Variants in MOB3B observed in about 807,000 individuals in gnomAD.
MOB3B encodes MOB kinase activator 3B.
In MOB3B, 7 loss-of-function variants were observed where a neutral mutation model predicts 18.7. The ratio of observed to expected loss-of-function variants is 0.37; its 90% CI spans 0.21 to 0.70. The LOEUF (loss-of-function observed/expected upper bound fraction) is 0.70. Ranked by LOEUF, MOB3B falls within the 30% of genes least tolerant of loss-of-function variation. The pLI is 0.52. For missense variants in MOB3B, 253 were observed against 281.3 expected (o/e 0.90, Z 0.72); for synonymous variants, 111 against 99.9 (o/e 1.11, Z -0.66).
chr9:27,481,130 G>A (rs1819642168), intron 1 of MOB3B, among the ~76,000 whole-genome samples: 1 of 152,200 alleles, frequency 6.6e-6, no homozygotes, highest in East Asian at 1.9e-4. Context: ...ATGCCTTTCA[G>A]AGTGGTGCAG....
intron 2 of MOB3B, among the ~76,000 whole-genome samples, chr9:27,447,042 C>T (rs1031152967): frequency 6.6e-5 from 10 of 152,048 alleles, no homozygotes; most frequent in African/African-American, 1.4e-4. Context: ...AAGGTCCTGT[C>T]TGCAGAGACC....
intron 2 of MOB3B, among the ~76,000 whole-genome samples, chr9:27,450,740 C>T (rs566660845): frequency 5.8e-4 from 89 of 152,328 alleles, no homozygotes; most frequent in Non-Finnish European, 8.2e-4. Flanking sequence ...CAGACCCTGA[C>T]TCCTAAATAT....
chr9:27,349,973 T>C (rs560791315), intron 3 of MOB3B, among the ~76,000 whole-genome samples: 2 of 152,300 alleles, frequency 1.3e-5, no homozygotes, highest in South Asian at 2.1e-4. Context: ...AGCCTCTGGC[T>C]CAGTGGTGTC....
chr9:27,492,187 T>C (rs141118844), intron 1 of MOB3B, among the ~76,000 whole-genome samples: 1,734 of 152,294 alleles, frequency 0.011, 37 homozygotes, highest in African/African-American at 0.039. Flanking sequence ...AGCCAATTTG[T>C]GGATGCTGGT....
intron 2 of MOB3B, among the ~76,000 whole-genome samples, chr9:27,393,510 C>T (rs1050220662): frequency 3.9e-5 from 6 of 152,044 alleles, no homozygotes; most frequent in African/African-American, 1.4e-4. Context: ...TGTCCCATTG[C>T]TAATTGTGTT....
intron 2 of MOB3B, among the ~76,000 whole-genome samples, chr9:27,367,899 C>G (rs545287146): frequency 6.6e-6 from 1 of 152,318 alleles, no homozygotes; most frequent in South Asian, 2.1e-4. Flanking sequence ...TTTGGGACCC[C>G]TGATGGCATG....
At chr9:27,490,514 A>G (rs1026299453) in intron 1 of MOB3B, among the ~76,000 whole-genome samples, 3 of 152,240 alleles carry the variant, frequency 2.0e-5, no homozygotes, top group African/African-American at 4.8e-5. Context: ...AAAGATGAAT[A>G]GGAATTTGTC....
chr9:27,493,538 G>C (rs1300506486), intron 1 of MOB3B, among the ~76,000 whole-genome samples: 6 of 152,148 alleles, frequency 3.9e-5, no homozygotes, highest in African/African-American at 1.4e-4. Context: ...CTACTCGGGA[G>C]GCTGAGGCAG....
chr9:27,389,986 T>A (rs934712520), intron 2 of MOB3B, among the ~76,000 whole-genome samples: 3 of 152,126 alleles, frequency 2.0e-5, no homozygotes, highest in Non-Finnish European at 4.4e-5. Context: ...AAGTTGTTAC[T>A]TGGAATGAAA....
At chr9:27,487,067 G>T (rs1165593120) in intron 1 of MOB3B, among the ~76,000 whole-genome samples, 1 of 151,868 alleles carries the variant, frequency 6.6e-6, no homozygotes, top group East Asian at 1.9e-4. Flanking sequence ...GGAGGTGAAG[G>T]TTGCAGTGAG....
intron 1 of MOB3B, among the ~76,000 whole-genome samples, chr9:27,521,208 C>T (rs151285391): frequency 5.9e-5 from 9 of 152,050 alleles, no homozygotes; most frequent in Non-Finnish European, 1.0e-4. Context: ...AGGCCAGTGA[C>T]GGAAATGTCA....
chr9:27,518,735 C>T (rs1820278196), intron 1 of MOB3B, among the ~76,000 whole-genome samples: 1 of 152,076 alleles, frequency 6.6e-6, no homozygotes, highest in South Asian at 2.1e-4. Flanking sequence ...CTACAGGGAG[C>T]ATCATGTACA....
intron 3 of MOB3B, among the ~76,000 whole-genome samples, chr9:27,357,889 A>C (rs1453391768): frequency 0.01 from 209 of 20,874 alleles, 4 homozygotes; most frequent in African/African-American, 0.051. Context: ...CCATCGCTAC[A>C]AAAAAAAAAA....
chr9:27,357,918 A>AAAAAAAAAAAAAAAAAAAC (rs1821217447), intron 3 of MOB3B, among the ~76,000 whole-genome samples: 1 of 125,188 alleles, frequency 8.0e-6, no homozygotes, highest in Non-Finnish European at 1.7e-5. Flanking sequence ...AAAAAAAAAA[A>AAAAAAAAAAAAAAAAAAAC]AAATAGCCAT....
chr9:27,423,859 C>T (rs895977598), intron 2 of MOB3B, among the ~76,000 whole-genome samples: 4 of 152,344 alleles, frequency 2.6e-5, no homozygotes, highest in Non-Finnish European at 5.9e-5. Flanking sequence ...GTGCTAAGTG[C>T]TTTAACATAT....
In MOB3B at chr9:27,453,302, A is replaced by G. The variant is rs10967943; in HGVS notation, c.418+1831T>C. Among the ~76,000 whole-genome samples, 1,452 of 152,294 alleles carry G rather than the reference A, an allele frequency of 9.5e-3. 23 individuals carry two copies. Among genetic ancestry groups the G allele is most frequent in the East Asian group, 0.034 (177 of 5,186 alleles). Reference sequence around the variant, plus strand: ...ATTTCACTCAGCATTTCCCAAACTTATTTTTCCTTGGGGGAAGAAATCTTT... The same window carrying G: ...ATTTCACTCAGCATTTCCCAAACTTGTTTTTCCTTGGGGGAAGAAATCTTT... On this transcript the variant is annotated intron_variant, in intron 2 of 3. Transcript: ENST00000262244.
chr9:27,477,912 T>C (rs1270990678), intron 1 of MOB3B, among the ~76,000 whole-genome samples: 1 of 152,150 alleles, frequency 6.6e-6, no homozygotes, highest in Non-Finnish European at 1.5e-5. Flanking sequence ...GGAACTGACA[T>C]AACTGCATCA....
chr9:27,477,898 T>C (rs898091797), intron 1 of MOB3B, among the ~76,000 whole-genome samples: 6 of 152,182 alleles, frequency 3.9e-5, no homozygotes, highest in Admixed American at 3.9e-4. Flanking sequence ...CAAGGTAAGA[T>C]GCTGGAACTG....
chr9:27,440,897 T>C (rs1822585043), intron 2 of MOB3B, among the ~76,000 whole-genome samples: 1 of 152,178 alleles, frequency 6.6e-6, no homozygotes, highest in Non-Finnish European at 1.5e-5. Context: ...ATCAGTTTTG[T>C]GGAAGACAAT....
Sources: gnomAD v4.1 joint callset for allele counts (sites outside exome capture counted in the v4.1 genomes callset) on GRCh38, gnomAD v4.1.1 for gene constraint, MANE v1.5 for transcripts, NCBI Gene and HGNC (gene_info 2026-07-23, HGNC 2026-07-21) for gene names.